Variants in CACNA2D3 observed in about 807,000 individuals in gnomAD.
The protein encoded by CACNA2D3 is calcium voltage-gated channel auxiliary subunit alpha2delta 3.
CACNA2D3 carries 60 observed loss-of-function variants against 160.6 expected under a neutral mutation model. The observed-to-expected ratio is 0.37, with a 90% confidence interval of 0.30 to 0.46. The LOEUF (loss-of-function observed/expected upper bound fraction) is 0.46. CACNA2D3 is among the 20% of genes least tolerant of loss of function. CACNA2D3 has a pLI of 1.00. For missense variants in CACNA2D3, 1,205 were observed against 1,365.0 expected, an observed-to-expected ratio of 0.88 and a Z score of 1.85; for synonymous variants, 558 against 492.9, an observed-to-expected ratio of 1.13 and a Z score of -1.75.
At chr3:54,385,755 C>T (rs1264560253) in intron 3 of CACNA2D3, 2 of 352,992 alleles carry the variant, frequency 5.7e-6, no homozygotes, top group Non-Finnish European at 5.4e-6. Flanking sequence ...TCATTTTTCA[C>T]ACGTGGCCTA....
Position 55,027,295 on chromosome 3 carries a change from C to G in CACNA2D3, c.2987+8978C>G, listed in dbSNP as rs1703583518. ...TGCATATTCTTTTCTCTTTATCCCT[C>G]CTTGCTCCATTTTATGAAATACAGT... On this transcript the variant is annotated intron_variant, in intron 35 of 37. Coordinates refer to ENST00000474759, the MANE Select transcript of CACNA2D3 (RefSeq NM_018398.3). 1.3e-5 allele frequency among the ~76,000 whole-genome samples: 2 copies of G among 152,156 alleles called. 1 individual carries two copies. Among genetic ancestry groups the G allele is most frequent in the Non-Finnish European group, 2.9e-5 (2 of 68,024 alleles).
At chr3:54,575,180 T>A (rs1325622506) in intron 8 of CACNA2D3, among the ~76,000 whole-genome samples, 1 of 152,242 alleles carries the variant, frequency 6.6e-6, no homozygotes, top group Non-Finnish European at 1.5e-5. Context: ...ATGTTTTCAT[T>A]CAAAGGTTAT....
intron 35 of CACNA2D3, among the ~76,000 whole-genome samples, chr3:55,061,302 T>C (rs1407380163): frequency 1.3e-5 from 2 of 152,220 alleles, no homozygotes; most frequent in Non-Finnish European, 2.9e-5. Context: ...TTTCCCACAC[T>C]GGTGAAACGG....
chr3:54,489,714 C>A (rs1297945785), intron 4 of CACNA2D3, among the ~76,000 whole-genome samples: 4 of 152,188 alleles, frequency 2.6e-5, no homozygotes, highest in Non-Finnish European at 5.9e-5. Flanking sequence ...GCGAGGCCTG[C>A]AGAAAGCTGC....
chr3:54,224,457 G>A (rs1442495780), intron 2 of CACNA2D3, among the ~76,000 whole-genome samples: 1 of 152,122 alleles, frequency 6.6e-6, no homozygotes, highest in Non-Finnish European at 1.5e-5. Context: ...GTTTACACCA[G>A]CTTGACCACA....
At chr3:54,566,985 A>C (rs1702419148) in intron 6 of CACNA2D3, among the ~76,000 whole-genome samples, 1 of 152,140 alleles carries the variant, frequency 6.6e-6, no homozygotes, top group Admixed American at 6.5e-5. Context: ...AGGTTTAGCA[A>C]TGGGGAGAGT....
intron 2 of CACNA2D3, among the ~76,000 whole-genome samples, chr3:54,157,012 T>C (rs558096328): frequency 2.0e-5 from 3 of 152,354 alleles, no homozygotes; most frequent in Admixed American, 1.3e-4. Context: ...CAAAATGCCA[T>C]AGACTGGGTG....
intron 9 of CACNA2D3, among the ~76,000 whole-genome samples, chr3:54,623,586 G>T (rs1381977288): frequency 6.6e-6 from 1 of 152,190 alleles, no homozygotes; most frequent in African/African-American, 2.4e-5. Flanking sequence ...CCTGGGTCCA[G>T]GTCTTAGACC....
intron 3 of CACNA2D3, among the ~76,000 whole-genome samples, chr3:54,361,150 T>G (rs1400759469): frequency 6.6e-6 from 1 of 151,844 alleles, no homozygotes; most frequent in African/African-American, 2.4e-5. Flanking sequence ...ACCATAATCA[T>G]GAGTTGACTG....
At chr3:54,763,858 C>CGTATATATATGT (rs1559573933) in intron 12 of CACNA2D3, among the ~76,000 whole-genome samples, 1 of 43,020 alleles carries the variant, frequency 2.3e-5, no homozygotes, top group African/African-American at 1.1e-4. Flanking sequence ...CATATATATA[C>CGTATATATATGT]ATATATATAT....
chr3:54,977,460 C>A (rs1702415327), intron 29 of CACNA2D3, among the ~76,000 whole-genome samples: 1 of 152,040 alleles, frequency 6.6e-6, no homozygotes, highest in Non-Finnish European at 1.5e-5. Context: ...TTGCATTGCT[C>A]AATATTTACA....
Position 54,742,779 on chromosome 3 carries a change from A to G in CACNA2D3, c.1168-9820A>G, listed in dbSNP as rs191270532. On this transcript the variant is annotated intron_variant, in intron 11 of 37. Coordinates refer to ENST00000474759, the MANE Select transcript of CACNA2D3 (RefSeq NM_018398.3). ...TTTGCATGGCTTCCATCTAGAATCA[A>G]GAGGCAGGCACCTAAGAAGAAATAT... 1.3e-3 allele frequency among the ~76,000 whole-genome samples: 194 copies of G among 152,354 alleles called. 1 individual carries two copies. The highest frequency in any genetic ancestry group is 2.2e-3 in the Non-Finnish European group (148 of 68,028).
At chr3:54,210,631 C>T (rs370830191) in intron 2 of CACNA2D3, among the ~76,000 whole-genome samples, 3 of 152,072 alleles carry the variant, frequency 2.0e-5, no homozygotes, top group East Asian at 1.9e-4. Context: ...CAGTGAAATG[C>T]GGGCCATCAT....
At chr3:54,438,963 G>A (rs1198916327) in intron 4 of CACNA2D3, among the ~76,000 whole-genome samples, 2 of 152,184 alleles carry the variant, frequency 1.3e-5, no homozygotes, top group Non-Finnish European at 2.9e-5. Flanking sequence ...CTATAACTCT[G>A]CAGAAGGTAT....
At chr3:54,822,753 T>C (rs1342942043) in intron 14 of CACNA2D3, among the ~76,000 whole-genome samples, 11 of 77,564 alleles carry the variant, frequency 1.4e-4, no homozygotes, top group Admixed American at 4.5e-4. Flanking sequence ...TTTCTTTCTT[T>C]CTTTCTTTCT....
chr3:54,209,363 C>T (rs1212572375), intron 2 of CACNA2D3, among the ~76,000 whole-genome samples: 1 of 152,184 alleles, frequency 6.6e-6, no homozygotes, highest in Non-Finnish European at 1.5e-5. Flanking sequence ...TTGTGTCTGA[C>T]GATCTTGCTG....
At chr3:54,956,745 C>A (rs1432675715) in intron 27 of CACNA2D3, among the ~76,000 whole-genome samples, 1 of 152,148 alleles carries the variant, frequency 6.6e-6, no homozygotes, top group East Asian at 1.9e-4. Flanking sequence ...TAGGGGAAGA[C>A]AGAACCCATT....
intron 27 of CACNA2D3, among the ~76,000 whole-genome samples, chr3:54,915,573 C>G (rs1259164708): frequency 6.6e-6 from 1 of 152,166 alleles, no homozygotes; most frequent in Non-Finnish European, 1.5e-5. Flanking sequence ...CCCTCATGAG[C>G]TGTAGTGGTT....
intron 9 of CACNA2D3, among the ~76,000 whole-genome samples, chr3:54,586,427 G>T (rs1019015441): frequency 1.3e-5 from 2 of 152,090 alleles, no homozygotes; most frequent in Non-Finnish European, 2.9e-5. Context: ...TAGAGACAAA[G>T]AAAGGGATAT....
Sources: gnomAD v4.1 joint callset for allele counts (sites outside exome capture counted in the v4.1 genomes callset) on GRCh38, gnomAD v4.1.1 for gene constraint, MANE v1.5 for transcripts, NCBI Gene and HGNC (gene_info 2026-07-23, HGNC 2026-07-21) for gene names.